ZNF365: variants seen among roughly 807,000 people sequenced by gnomAD.
ZNF365 encodes protein ZNF365.
In ZNF365, 22 loss-of-function variants were observed where a neutral mutation model predicts 35.0. The ratio of observed to expected loss-of-function variants is 0.63; its 90% CI spans 0.45 to 0.90. ZNF365 has a LOEUF of 0.90. Among genes scored for constraint, ZNF365 ranks in the 40% least tolerant of loss-of-function variants. The probability of loss-of-function intolerance (pLI) is 0.00; values close to 1 mark genes in which losing one functional copy is unlikely to be tolerated. For missense variants in ZNF365, 448 were observed against 500.3 expected (o/e 0.90, Z 1.00); for synonymous variants, 188 against 196.2 (o/e 0.96, Z 0.35).
intron 2 of ZNF365, among the ~76,000 whole-genome samples, chr10:62,380,555 C>T (rs983996164): frequency 5.9e-5 from 9 of 152,152 alleles, no homozygotes; most frequent in South Asian, 2.1e-4. Flanking sequence ...GATTGGTTCA[C>T]CTAATCCCTG....
At chr10:62,437,433 G>C (rs558435551) in intron 3 of ZNF365, among the ~76,000 whole-genome samples, 4 of 152,238 alleles carry the variant, frequency 2.6e-5, no homozygotes, top group South Asian at 2.1e-4. Flanking sequence ...TTTTAAATAG[G>C]AAATCAATAT....
intron 4 of ZNF365, among the ~76,000 whole-genome samples, chr10:62,474,507 G>C (rs1487369712): frequency 6.6e-6 from 1 of 152,142 alleles, no homozygotes; most frequent in Non-Finnish European, 1.5e-5. Context: ...GAGAGAGAGA[G>C]AGACTATTTC....
chr10:62,471,230 A>G (rs763426506), intron 4 of ZNF365, among the ~76,000 whole-genome samples: 58 of 152,038 alleles, frequency 3.8e-4, no homozygotes, highest in South Asian at 1.0e-3. Context: ...GCCAGGTGTG[A>G]TGGTAGGCAC....
chr10:62,376,405 C>G lies in ZNF365; in HGVS notation c.212C>G (p.Thr71Arg). Residue 71 changes from threonine (T) to arginine (R), a missense_variant, in exon 2 of 5, where the codon ACA becomes AGA. By Grantham distance (71) the Thr-to-Arg change is moderately conservative. This residue lies in a region of ZNF365 where 76 missense variants were observed against 96.7 expected (regional missense o/e 0.79). Coordinates refer to ENST00000395254, the MANE Select transcript of ZNF365 (RefSeq NM_014951.3). ...KCSLFPSLKD[T>R]DLVTSSELLK... ...AGTCTCTTTCCATCCCTCAAAGACACAGACCTAGTCACTTCCTCAGAACTC... is the reference window on the plus strand; with the variant it reads ...AGTCTCTTTCCATCCCTCAAAGACAGAGACCTAGTCACTTCCTCAGAACTC... 1 of 1,614,196 alleles carries G rather than the reference C, an allele frequency of 6.2e-7. No homozygotes were observed.
chr10:62,382,251 T>C (rs1358430625), intron 2 of ZNF365, among the ~76,000 whole-genome samples: 1 of 152,228 alleles, frequency 6.6e-6, no homozygotes, highest in African/African-American at 2.4e-5. Flanking sequence ...CTAAGCAATG[T>C]AGTGTCCAGA....
chr10:62,459,814 G>A, intron 4 of ZNF365: 2 of 1,600,164 alleles, frequency 1.2e-6, no homozygotes, highest in Non-Finnish European at 1.7e-6. Context: ...CCACCACCTG[G>A]GTGGGTGGGT....
intron 2 of ZNF365, among the ~76,000 whole-genome samples, chr10:62,382,881 T>C (rs895090642): frequency 4.6e-5 from 7 of 152,232 alleles, no homozygotes; most frequent in African/African-American, 1.7e-4. Context: ...CCGTTTCATA[T>C]TCCTCTGAAG....
chr10:62,388,957 C>A (rs139018155), intron 3 of ZNF365, among the ~76,000 whole-genome samples: 1,784 of 152,208 alleles, frequency 0.012, 15 homozygotes, highest in Admixed American at 0.023. Flanking sequence ...GAGAATCTTA[C>A]GAAATTCAGT....
At chr10:62,480,050 T>G (rs1478662688) in exon 5 of ZNF365, 17 of 1,377,028 alleles carry the variant, frequency 1.2e-5, no homozygotes, top group African/African-American at 1.5e-5. Flanking sequence ...CTTGGTGACT[T>G]TACTCACCAG....
At chr10:62,453,768 A>C (rs1840721612) in intron 3 of ZNF365, among the ~76,000 whole-genome samples, 1 of 152,250 alleles carries the variant, frequency 6.6e-6, no homozygotes. Flanking sequence ...TAAATATGAA[A>C]GTATGTAGCC....
At chr10:62,419,427 A>T (rs1201640596) in intron 3 of ZNF365, among the ~76,000 whole-genome samples, 2 of 151,990 alleles carry the variant, frequency 1.3e-5, no homozygotes, top group African/African-American at 4.8e-5. Flanking sequence ...GCTATCTAGA[A>T]GACTTAGATC....
intron 3 of ZNF365, among the ~76,000 whole-genome samples, chr10:62,398,428 A>G (rs770834141): frequency 2.0e-5 from 3 of 152,162 alleles, no homozygotes; most frequent in Non-Finnish European, 4.4e-5. Context: ...GTACTTGGAA[A>G]CATATTTCTT....
chr10:62,429,592 G>T (rs1840304528), intron 3 of ZNF365, among the ~76,000 whole-genome samples: 1 of 152,136 alleles, frequency 6.6e-6, no homozygotes, highest in Non-Finnish European at 1.5e-5. Context: ...TGCTGTAGGG[G>T]ATGGATATCC....
Position 62,474,893 on chromosome 10 carries a change from C to T in ZNF365, c.982-4983C>T, listed in dbSNP as rs191893930. Among the ~76,000 whole-genome samples the T allele has an allele frequency of 1.7e-3, 257 of 152,336 alleles. 1 individual carries two copies. Among genetic ancestry groups the T allele is most frequent in the African/African-American group, 5.8e-3 (243 of 41,578 alleles). On this transcript the variant is annotated intron_variant, in intron 4 of 4. Coordinates refer to the ZNF365 transcript ENST00000395255. ...TATGTTTCTGACATGCTTAATTTCT[C>T]TGGATCTTGTCCTGTCAATTTGACC...
intron 4 of ZNF365, among the ~76,000 whole-genome samples, chr10:62,476,015 A>G (rs1450117329): frequency 7.3e-5 from 11 of 151,492 alleles, no homozygotes. Flanking sequence ...GAGGGAGCCA[A>G]GGTCAAGGTT....
chr10:62,478,712 T>C (rs1203435194), intron 4 of ZNF365, among the ~76,000 whole-genome samples: 1 of 152,212 alleles, frequency 6.6e-6, no homozygotes, highest in Non-Finnish European at 1.5e-5. Context: ...TAGCTGGGAC[T>C]ACAGACACCT....
chr10:62,395,504 ATTTTTTTTTTTTT>A (rs67866839), intron 3 of ZNF365, among the ~76,000 whole-genome samples: 1 of 98,466 alleles, frequency 1.0e-5, no homozygotes, highest in South Asian at 3.7e-4. Context: ...CACCCGGCTA[ATTTTTTTTTTTTT>A]TTTTTTTTTT....
In ZNF365 at chr10:62,400,025, TAAATC is replaced by T; in HGVS notation, c.*239_*243del. On this transcript the variant is annotated 3_prime_UTR_variant, in exon 5 of 5. Transcript: ENST00000395254. ...CAAATTACAGAAAGAATAAAAAAAT[TAAATC>T]AATCTTAAAGCTCTAACTTCTAAAG... 1 of 1,298,798 alleles carries T rather than the reference TAAATC, an allele frequency of 7.7e-7. No individual in the cohort carries two copies. The highest frequency in any genetic ancestry group is 9.8e-7 in the Non-Finnish European group (1 of 1,024,870). 80.5% of individuals were successfully genotyped at this position (1,298,798 alleles called of 1,614,324 possible). A position where few individuals can be genotyped will look rare whatever the true frequency, so the allele number is the denominator to read the frequency against.
chr10:62,457,765 A>C (rs376809105), intron 3 of ZNF365, among the ~76,000 whole-genome samples: 17 of 152,338 alleles, frequency 1.1e-4, no homozygotes, highest in African/African-American at 4.1e-4. Context: ...GCTAGGTGTC[A>C]GGTGCAGCTC....
Sources: gnomAD v4.1 joint callset for allele counts (sites outside exome capture counted in the v4.1 genomes callset) on GRCh38, gnomAD v4.1.1 for gene constraint, gnomAD v4.1.1 regional missense constraint, MANE v1.5 for transcripts, NCBI Gene and HGNC (gene_info 2026-07-23, HGNC 2026-07-21) for gene names.